KCNN2: variants seen among roughly 807,000 people sequenced by gnomAD.
KCNN2 encodes the protein potassium calcium-activated channel subfamily N member 2, also known as small conductance calcium-activated potassium channel protein 2.
Under a neutral mutation model 55.5 loss-of-function variants are expected in KCNN2, and 24 were observed. The ratio of observed to expected loss-of-function variants is 0.43; its 90% CI spans 0.31 to 0.61. The LOEUF (loss-of-function observed/expected upper bound fraction) is 0.61. KCNN2 is among the 20% of genes least tolerant of loss of function. KCNN2 has a pLI of 0.08. For synonymous variants in KCNN2, 431 were observed against 336.1 expected, an observed-to-expected ratio of 1.28 and a Z score of -3.09; for missense variants, 754 against 853.6, an observed-to-expected ratio of 0.88 and a Z score of 1.45.
In KCNN2 at chr5:114,072,657, G is replaced by A. The variant is rs942503216; in HGVS notation, c.-271+16157G>A. On this transcript the variant is annotated intron_variant, in intron 1 of 10. Coordinates refer to the KCNN2 transcript ENST00000512097. The stretch of plus-strand genomic sequence containing the variant: ...AACACAGAACAGACTAAGACAGCAC[G>A]TGAGGTAGAATGCACAGTGATAAAG... Among the ~76,000 whole-genome samples the A allele has an allele frequency of 2.6e-5, 4 of 152,108 alleles. No homozygotes were observed. In the East Asian group the frequency reaches 7.7e-4, roughly 29 times the overall value.
chr5:114,201,240 G>A (rs1753667776), intron 1 of KCNN2, among the ~76,000 whole-genome samples: 1 of 152,012 alleles, frequency 6.6e-6, no homozygotes, highest in Non-Finnish European at 1.5e-5. Flanking sequence ...GTGCTTAGGA[G>A]GGCTTGGTCT....
intron 6 of KCNN2, among the ~76,000 whole-genome samples, chr5:114,489,441 G>C (rs1747741425): frequency 6.6e-6 from 1 of 152,046 alleles, no homozygotes; most frequent in Non-Finnish European, 1.5e-5. Context: ...TGTTTGGATA[G>C]AGTGACAGAG....
intron 1 of KCNN2, among the ~76,000 whole-genome samples, chr5:114,080,749 A>G (rs1194405780): frequency 6.6e-6 from 1 of 152,174 alleles, no homozygotes; most frequent in Non-Finnish European, 1.5e-5. Flanking sequence ...AAAGACTAAA[A>G]GCTTTTCCCT....
intron 2 of KCNN2, among the ~76,000 whole-genome samples, chr5:114,390,566 G>A (rs951815464): frequency 6.6e-6 from 1 of 152,082 alleles, no homozygotes; most frequent in Non-Finnish European, 1.5e-5. Context: ...GTAGTCCTAT[G>A]ACCAGGCATC....
chr5:114,227,371 C>T (rs923891907), intron 2 of KCNN2, among the ~76,000 whole-genome samples: 5 of 152,162 alleles, frequency 3.3e-5, no homozygotes, highest in African/African-American at 1.2e-4. Flanking sequence ...ATTCATAAAG[C>T]ATCCCTAGAT....
intron 1 of KCNN2, among the ~76,000 whole-genome samples, chr5:114,068,716 T>C (rs1038111858): frequency 1.3e-5 from 2 of 152,218 alleles, no homozygotes; most frequent in South Asian, 2.1e-4. Flanking sequence ...GGAGTAGACA[T>C]TGACCAAGGA....
intron 2 of KCNN2, among the ~76,000 whole-genome samples, chr5:114,294,917 C>G (rs1038281509): frequency 6.6e-6 from 1 of 152,130 alleles, no homozygotes; most frequent in African/African-American, 2.4e-5. Flanking sequence ...GATCCCTTTA[C>G]CATTATGTAA....
intron 2 of KCNN2, among the ~76,000 whole-genome samples, chr5:114,271,076 T>C (rs1432157722): frequency 6.6e-6 from 1 of 152,192 alleles, no homozygotes; most frequent in Admixed American, 6.5e-5. Flanking sequence ...GGGTTGCTGC[T>C]GCTGGCTCAG....
chr5:114,251,721 G>A (rs1754865320), intron 2 of KCNN2, among the ~76,000 whole-genome samples: 1 of 151,998 alleles, frequency 6.6e-6, no homozygotes, highest in Non-Finnish European at 1.5e-5. Flanking sequence ...ATTGTACTTT[G>A]TTGGTTGCTT....
At chr5:114,177,671 A>G (rs1753164168) in intron 1 of KCNN2, among the ~76,000 whole-genome samples, 1 of 151,924 alleles carries the variant, frequency 6.6e-6, no homozygotes, top group Admixed American at 6.6e-5. Context: ...AATAATAATT[A>G]CAGCATTTTT....
chr5:114,281,543 C>G (rs1435504290), intron 2 of KCNN2, among the ~76,000 whole-genome samples: 1 of 144,372 alleles, frequency 6.9e-6, no homozygotes, highest in Non-Finnish European at 1.5e-5. Context: ...TGAACCTAGG[C>G]TTGGTAGGAA....
intron 2 of KCNN2, among the ~76,000 whole-genome samples, chr5:114,235,369 A>G (rs1754468960): frequency 6.6e-6 from 1 of 152,230 alleles, no homozygotes. Context: ...AATTTTAGTA[A>G]ATGTTTTAAT....
At chr5:114,088,076 C>G (rs1333842903) in intron 1 of KCNN2, among the ~76,000 whole-genome samples, 1 of 151,980 alleles carries the variant, frequency 6.6e-6, no homozygotes, top group African/African-American at 2.4e-5. Flanking sequence ...TGGGTTCTCT[C>G]AGCTTTTATT....
rs1389844110 is a variant in KCNN2 at position 114,397,877 on chromosome 5, GGTT to G, written c.1219-6557_1219-6555del. Among the ~76,000 whole-genome samples the G allele has an allele frequency of 1.4e-4, 21 of 151,988 alleles. 1 individual carries two copies. The highest frequency in any genetic ancestry group is 5.1e-4 in the African/African-American group (21 of 41,366). ...ATGTCCTTTGCCTACTTTTTAATGG[GGTT>G]GTTTGTTTCTTGTAAATTTGTTTGT... On this transcript the variant is annotated intron_variant, in intron 2 of 7. Coordinates refer to ENST00000673685, the MANE Select transcript of KCNN2 (RefSeq NM_021614.4).
chr5:114,247,202 C>CAAAAAAAAAAAAAAAAAAAAAAAAAA (rs370172975), intron 2 of KCNN2, among the ~76,000 whole-genome samples: 2 of 68,094 alleles, frequency 2.9e-5, no homozygotes, highest in Admixed American at 1.9e-4. Flanking sequence ...CATATGTCTC[C>CAAAAAAAAAAAAAAAAAAAAAAAAAA]AAAAAAAAAA....
intron 1 of KCNN2, among the ~76,000 whole-genome samples, chr5:114,146,998 G>A (rs1316261825): frequency 2.0e-5 from 3 of 152,164 alleles, no homozygotes; most frequent in African/African-American, 7.2e-5. Context: ...TTAGTGACAA[G>A]CACTATATAA....
At chr5:114,421,719 G>A (rs1341909765) in intron 3 of KCNN2, among the ~76,000 whole-genome samples, 1 of 144,816 alleles carries the variant, frequency 6.9e-6, no homozygotes, top group Non-Finnish European at 1.5e-5. Flanking sequence ...AAGTGATTCT[G>A]TTGCCTCAGC....
chr5:114,241,822 G>GTACATA (rs1304194176), intron 2 of KCNN2, among the ~76,000 whole-genome samples: 1 of 6,374 alleles, frequency 1.6e-4, no homozygotes, highest in South Asian at 8.6e-3. Flanking sequence ...ATATATATGT[G>GTACATA]TGTATATATA....
chr5:114,110,425 A>G (rs1751573552), intron 1 of KCNN2, among the ~76,000 whole-genome samples: 1 of 152,056 alleles, frequency 6.6e-6, no homozygotes, highest in Non-Finnish European at 1.5e-5. Context: ...TCATAAATTC[A>G]TAAATTTCTC....
Sources: gnomAD v4.1 joint callset for allele counts (sites outside exome capture counted in the v4.1 genomes callset) on GRCh38, gnomAD v4.1.1 for gene constraint, MANE v1.5 for transcripts, NCBI Gene and HGNC (gene_info 2026-07-23, HGNC 2026-07-21) for gene names.